Variants in NRG1 observed in about 807,000 individuals in gnomAD.
NRG1 encodes the protein pro-neuregulin-1, membrane-bound isoform.
A neutral mutation model predicts 63.8 loss-of-function variants in NRG1; 18 were observed. The ratio of observed to expected loss-of-function variants is 0.28; its 90% CI spans 0.19 to 0.42. The LOEUF (loss-of-function observed/expected upper bound fraction) is 0.42, where lower values mean the gene tolerates loss of function less well. NRG1 is among the 10% of genes least tolerant of loss of function. The pLI, the probability that NRG1 is intolerant of heterozygous loss-of-function variation, is 1.00. For synonymous variants in NRG1, 302 were observed against 301.3 expected (o/e 1.00, Z -0.02); for missense variants, 762 against 814.7 (o/e 0.94, Z 0.79).
intron 5 of NRG1, chr8:32,722,149 A>AAAATATTCAAACATTTAAAATGTGCAT: frequency 1.2e-5 from 11 of 932,474 alleles, no homozygotes; most frequent in African/African-American, 1.7e-5. Flanking sequence ...TATTTGGTTT[A>AAAATATTCAAACATTTAAAATGTGCAT]ATTTTCTGTA....
chr8:32,065,858 A>G (rs1824709316), intron 1 of NRG1, among the ~76,000 whole-genome samples: 1 of 152,176 alleles, frequency 6.6e-6, no homozygotes, highest in African/African-American at 2.4e-5. Flanking sequence ...TTGTTTACTG[A>G]CTTTTTAATG....
intron 1 of NRG1, among the ~76,000 whole-genome samples, chr8:32,157,768 A>C (rs1317433158): frequency 1.3e-5 from 2 of 151,756 alleles, no homozygotes; most frequent in East Asian, 3.9e-4. Context: ...GAGAGATACC[A>C]AGACAAACTT....
chr8:31,866,307 G>A (rs889604360), intron 1 of NRG1, among the ~76,000 whole-genome samples: 16 of 152,138 alleles, frequency 1.1e-4, no homozygotes, highest in African/African-American at 3.9e-4. Flanking sequence ...TGGAATTTGT[G>A]GAGACTCAAT....
exon 1 of NRG1, chr8:32,548,662 G>A (rs1191582653): frequency 1.1e-5 from 17 of 1,516,738 alleles, no homozygotes; most frequent in Non-Finnish European, 1.5e-5. Flanking sequence ...AACCCGATCC[G>A]AGCCCTTGGA....
At chr8:32,093,705 T>G (rs1157694671) in intron 1 of NRG1, among the ~76,000 whole-genome samples, 1 of 152,224 alleles carries the variant, frequency 6.6e-6, no homozygotes, top group Non-Finnish European at 1.5e-5. Context: ...ATCCATGAGA[T>G]AATTCATTTA....
At chr8:32,436,776 C>G (rs1199451217) in intron 1 of NRG1, among the ~76,000 whole-genome samples, 1 of 152,040 alleles carries the variant, frequency 6.6e-6, no homozygotes, top group East Asian at 1.9e-4. Context: ...CTTCTGGTTA[C>G]TTAGATCTTA....
intron 1 of NRG1, among the ~76,000 whole-genome samples, chr8:32,415,682 A>T (rs964993120): frequency 9.9e-5 from 15 of 152,096 alleles, no homozygotes; most frequent in Admixed American, 8.5e-4. Context: ...TTTCATACAT[A>T]CTTGTTTCCA....
intron 1 of NRG1, among the ~76,000 whole-genome samples, chr8:31,900,052 A>C (rs776381): frequency 0.67 from 101,587 of 152,064 alleles, 34,318 homozygotes; most frequent in East Asian, 0.92. Flanking sequence ...GAAACAAGTA[A>C]ATTTGAGGCA....
chr8:32,700,857 C>T (rs1814677609), intron 5 of NRG1, among the ~76,000 whole-genome samples: 1 of 152,108 alleles, frequency 6.6e-6, no homozygotes, highest in South Asian at 2.1e-4. Context: ...TTCATTTCCT[C>T]CCCTTTCCCA....
At position 32,742,622 on chromosome 8, in the gene NRG1, C is replaced by G; in HGVS notation, c.633-53C>G. On this transcript the variant is annotated intron_variant, in intron 6 of 11. Coordinates refer to ENST00000356819, the Ensembl canonical transcript of NRG1. The surrounding 1 kb of genome is among the most constrained non-coding windows in gnomAD (Gnocchi z 4.2). ...GAGCTTCTTTCTAGCATATATTCAC[C>G]TCTTCTCTTTTTCTCTGTTTTTCTA... The G allele has an allele frequency of 1.9e-6, 3 of 1,538,748 alleles. No homozygotes were observed. Among genetic ancestry groups the G allele is most frequent in the Non-Finnish European group, 2.7e-6 (3 of 1,113,634 alleles).
At chr8:31,848,578 G>A (rs1350853988) in intron 1 of NRG1, among the ~76,000 whole-genome samples, 1 of 152,188 alleles carries the variant, frequency 6.6e-6, no homozygotes, top group Non-Finnish European at 1.5e-5. Context: ...GCAGGTGAGT[G>A]AGCAAAGCTT....
chr8:32,134,580 A>G (rs1043920546), intron 1 of NRG1, among the ~76,000 whole-genome samples: 9 of 152,174 alleles, frequency 5.9e-5, no homozygotes, highest in African/African-American at 2.2e-4. Flanking sequence ...TTATCATGCC[A>G]AGTACTATTT....
intron 1 of NRG1, among the ~76,000 whole-genome samples, chr8:32,173,325 G>C (rs2132029358): frequency 6.6e-6 from 1 of 152,250 alleles, no homozygotes; most frequent in Non-Finnish European, 1.5e-5. Context: ...TGCCCTAAAA[G>C]AGCTCCTGAA....
intron 1 of NRG1, among the ~76,000 whole-genome samples, chr8:32,284,753 T>C (rs1472287785): frequency 6.6e-6 from 1 of 152,132 alleles, no homozygotes; most frequent in Non-Finnish European, 1.5e-5. Flanking sequence ...TTCACTATAT[T>C]GCCCAGGCTG....
chr8:32,299,451 G>A (rs1855333064), intron 1 of NRG1, among the ~76,000 whole-genome samples: 1 of 152,130 alleles, frequency 6.6e-6, no homozygotes, highest in Non-Finnish European at 1.5e-5. Context: ...AACCTCAAAA[G>A]TACTCTTATA....
intron 1 of NRG1, among the ~76,000 whole-genome samples, chr8:32,069,738 G>A (rs1022743401): frequency 5.9e-5 from 9 of 152,060 alleles, no homozygotes; most frequent in Middle Eastern, 3.2e-3. Context: ...AGAAAGCAAG[G>A]GTACCAAAAC....
intron 1 of NRG1, among the ~76,000 whole-genome samples, chr8:32,279,554 T>C (rs1195662756): frequency 6.6e-6 from 1 of 152,154 alleles, no homozygotes; most frequent in Non-Finnish European, 1.5e-5. Context: ...GGTTTCACTA[T>C]GTTGGCCAGA....
upstream of NRG1, among the ~76,000 whole-genome samples, chr8:32,543,305 ATATG>A (rs1396637136): frequency 6.6e-6 from 1 of 152,158 alleles, no homozygotes; most frequent in Non-Finnish European, 1.5e-5. Flanking sequence ...ACATATGTAT[ATATG>A]TATGTACACA....
intron 1 of NRG1, among the ~76,000 whole-genome samples, chr8:31,801,807 A>G (rs1342589926): frequency 6.6e-6 from 1 of 152,230 alleles, no homozygotes; most frequent in Admixed American, 6.5e-5. Context: ...GAAAGTTCTT[A>G]TAAAAGTCCT....
Sources: allele counts gnomAD v4.1 joint callset (sites outside exome capture counted in the v4.1 genomes callset), GRCh38; gene constraint gnomAD v4.1.1; non-coding constraint Gnocchi (gnomAD v3.1); transcripts MANE v1.5; gene names NCBI Gene and HGNC (gene_info 2026-07-23, HGNC 2026-07-21).